SPTBN5: variants seen among roughly 807,000 people sequenced by gnomAD.
SPTBN5 encodes spectrin beta, non-erythrocytic 5, also known as spectrin beta chain, non-erythrocytic 5.
In SPTBN5, 513 loss-of-function variants were observed where a neutral mutation model predicts 477.6. The observed-to-expected ratio is 1.07, with a 90% CI of 1.00 to 1.16. The LOEUF (loss-of-function observed/expected upper bound fraction) is 1.16, where lower values mean the gene tolerates loss of function less well. Among genes scored for constraint, SPTBN5 ranks in the 50% most tolerant of loss-of-function variants. The pLI, the probability that SPTBN5 is intolerant of heterozygous loss-of-function variation, is 0.00. For synonymous variants in SPTBN5, 2,169 were observed against 2,011.7 expected, an observed-to-expected ratio of 1.08 and a Z score of -2.09; for missense variants, 5,062 against 4,731.8, an observed-to-expected ratio of 1.07 and a Z score of -2.05.
chr15:41,866,224 T>G lies in SPTBN5; in HGVS notation c.6636A>C (p.Gly2212=), dbSNP rs1168275909. 5.0e-6 allele frequency: 8 copies of G among 1,592,750 alleles called. No individual in the cohort carries two copies. The highest frequency in any genetic ancestry group is 1.8e-5 in the Admixed American group (1 of 55,806). ...EEVMTSVAKK[G]EALLAQSHPR... is the part of the protein sequence containing the mutation. ...GGTGACTCTGTGCCAGGAGAGCCTC[T>G]CCCTTCTGGAGGGAGAGAGGGGACA... Residue 2212 remains glycine, a synonymous_variant, in exon 38 of 68, where the codon GGA becomes GGC. Coordinates refer to ENST00000320955, the MANE Select transcript of SPTBN5 (RefSeq NM_016642.4).
chr15:41,887,833 G>A (rs2067202399), intron 5 of SPTBN5, 95 bp downstream of exon 5: 2 of 1,291,830 alleles, frequency 1.5e-6, no homozygotes, highest in South Asian at 1.4e-5. Flanking sequence ...CCTCCTTCAA[G>A]CCTAGGGATG....
At position 41,884,490 on chromosome 15, in the gene SPTBN5, G is replaced by A. The variant is rs1417027477; in HGVS notation, c.1521-1004C>T. Reference sequence around the variant, plus strand: ...CTGCAAATTCTACTTGGCACTACCTGCAAAATCTATCCAGAACCCCACCCC... The same window carrying A: ...CTGCAAATTCTACTTGGCACTACCTACAAAATCTATCCAGAACCCCACCCC... On this transcript the variant is annotated intron_variant, in intron 7 of 67. Coordinates refer to ENST00000320955, the MANE Select transcript of SPTBN5 (RefSeq NM_016642.4). Among the ~76,000 whole-genome samples the A allele has an allele frequency of 6.6e-5, 10 of 152,100 alleles. No homozygotes were observed. In the East Asian group the frequency reaches 1.7e-3, roughly 26 times the overall value.
Position 41,850,037 on chromosome 15 carries a change from A to G in SPTBN5, c.10922-78T>C. ...GCCAGGTCTGGCTGCTCCTTCCTCC[A>G]GCTTCTGGAGGCTCAGCACAGCCTT... is the stretch of plus-strand genomic sequence containing the variant. On this transcript the variant is annotated intron_variant, in intron 66 of 67. Transcript: ENST00000320955. 2.5e-6 allele frequency: 3 copies of G among 1,215,536 alleles called. No individual in the cohort carries two copies. In the South Asian group the frequency reaches 3.9e-5, roughly 16 times the overall value. 75.3% of individuals were successfully genotyped at this position (1,215,536 alleles called of 1,614,324 possible). A position where few individuals can be genotyped will look rare whatever the true frequency, so the allele number is the denominator to read the frequency against.
rs567339370 is a variant in SPTBN5 at position 41,852,069 on chromosome 15, G to A, written c.10584+113C>T. On this transcript the variant is annotated intron_variant, in intron 62 of 67. Transcript: ENST00000320955. ...CTAATGACCTTCAGCTCCTGTGCCC[G>A]GGCTCCCAGCACTGGCTCCAGGGTG... The A allele has an allele frequency of 2.7e-4, 369 of 1,349,950 alleles. 1 individual carries two copies. In the African/African-American group the frequency reaches 4.1e-3, roughly 15 times the overall value. The allele number at this position is 1,349,950 out of a possible 1,614,324, so 83.6% of individuals were successfully genotyped here.
intron 64 of SPTBN5, 58 bp downstream of exon 64, chr15:41,851,225 C>T (rs2065748786): frequency 1.3e-6 from 2 of 1,564,864 alleles, no homozygotes; most frequent in Non-Finnish European, 1.7e-6. Flanking sequence ...GTCCTGGGGC[C>T]CCTCTGCCTT....
At position 41,868,096 on chromosome 15, in the gene SPTBN5, G is replaced by C. The variant is rs1436535591; in HGVS notation, c.6180C>G (p.Arg2060=). Residue 2060 remains arginine (R), a synonymous_variant, in exon 34 of 68, where the codon CGC becomes CGG. Coordinates refer to ENST00000320955, the MANE Select transcript of SPTBN5 (RefSeq NM_016642.4). ...QEQLFLRECG[R]LEEILAAQEV... The stretch of plus-strand genomic sequence containing the variant: ...CCTGGGCCGCGAGGATCTCCTCCAG[G>C]CGGCCGCACTCTCTGAGGAAGAGCT... 1 of 1,603,942 alleles carries C rather than the reference G, an allele frequency of 6.2e-7. No individual in the cohort carries two copies. The highest frequency in any genetic ancestry group is 2.2e-5 in the East Asian group (1 of 44,664).
chr15:41,873,952 G>T lies in SPTBN5; in HGVS notation c.4783C>A (p.Gln1595Lys), dbSNP rs1394762480. The part of the protein sequence containing the change: ...SLAASGHPQA[Q>K]HIVEQCQELE... ...TCCTGGCACTGCTCCACGATGTGTT[G>T]GGCTTGGGGGTGCCCTGAGGCTGCC... Residue 1595 changes from glutamine to lysine, a missense_variant, in exon 25 of 68, where the codon CAA (glutamine) becomes AAA (lysine). Gln to Lys is a moderately conservative substitution (Grantham distance 53). Transcript: ENST00000320955. 6.2e-7 allele frequency: 1 copy of T among 1,609,292 alleles called. No individual in the cohort carries two copies. The highest frequency in any genetic ancestry group is 1.7e-5 in the Admixed American group (1 of 60,028).
At position 41,855,257 on chromosome 15, in the gene SPTBN5, G is replaced by C; in HGVS notation, c.9390C>G (p.Ser3130=). The C allele has an allele frequency of 1.9e-6, 3 of 1,612,438 alleles. No individual in the cohort carries two copies. Among genetic ancestry groups the C allele is most frequent in the Non-Finnish European group, 2.5e-6 (3 of 1,179,672 alleles). The change falls in exon 55 of 68, where the codon TCC becomes TCG. Residue 3130 remains serine, a synonymous_variant. Transcript: ENST00000320955. ...WLTTKAATAE[S]QDYGQDLEGV... is the part of the protein sequence containing the mutation. The stretch of plus-strand genomic sequence containing the variant: ...CCTCCAGGTCCTGCCCGTAGTCCTG[G>C]GACTCGGCGGTGGCCGCCTTGGTGG...
rs1392204705 is a variant in SPTBN5, at chr15:41,855,613, T to C, written c.9154A>G (p.Ser3052Gly). The C allele has an allele frequency of 6.2e-7, 1 of 1,611,328 alleles. No homozygotes were observed. Among genetic ancestry groups the C allele is most frequent in the African/African-American group, 1.3e-5 (1 of 74,952 alleles). Residue 3052 changes from serine (S) to glycine (G), a missense_variant, in exon 54 of 68, where the codon AGC becomes GGC. Transcript: ENST00000320955. ...EATKRDLEAF[S>G]PRIERLQQTA... ...TGCTGCAGCCGCTCGATGCGTGGGC[T>C]GAACGCTTCCAGGTCTCTCTTGGTG...
At position 41,868,573 on chromosome 15, in the gene SPTBN5, C is replaced by T. The variant is rs369721582; in HGVS notation, c.5882G>A (p.Arg1961His). Residue 1961 changes from arginine to histidine, a missense_variant, in exon 33 of 68, where the codon CGC (arginine) becomes CAC (histidine). Arg to His is a conservative substitution (Grantham distance 29). Transcript: ENST00000320955. The stretch of plus-strand genomic sequence containing the variant: ...CTCCACCTGCAGGTCCTGGCGCACG[C>T]GGGCTGCCCAGGAGGCATAGTCACG... ...AVRDYASWAA[R>H]VRQDLQVEES... The T allele has an allele frequency of 3.1e-5, 49 of 1,601,138 alleles. No individual in the cohort carries two copies. Among genetic ancestry groups the T allele is most frequent in the Middle Eastern group, 1.6e-4 (1 of 6,080 alleles).
At chr15:41,887,815 C>T in intron 5 of SPTBN5, 113 bp downstream of exon 5, 1 of 1,113,798 alleles carries the variant, frequency 9.0e-7, no homozygotes, top group Non-Finnish European at 1.3e-6. Flanking sequence ...ACATCTGTGT[C>T]CACTTTCCCT....
intron 47 of SPTBN5, 33 bp from the exon 48 acceptor site, chr15:41,859,013 C>T: frequency 6.8e-7 from 1 of 1,475,978 alleles, no homozygotes; most frequent in South Asian, 1.4e-5. Flanking sequence ...GGCCTGGAGC[C>T]ACCCCCGGGG....
At chr15:41,852,774 G>A (rs375882514) in intron 60 of SPTBN5, 39 bp from the exon 61 acceptor site, 37 of 1,611,586 alleles carry the variant, frequency 2.3e-5, no homozygotes, top group Middle Eastern at 3.3e-4. Context: ...CAGCTTGGGG[G>A]GGGGGGCCCA....
Position 41,854,924 on chromosome 15 carries a change from T to C in SPTBN5, c.9476A>G (p.Gln3159Arg). The C allele has an allele frequency of 6.3e-7, 1 of 1,582,788 alleles. No individual in the cohort carries two copies. Among genetic ancestry groups the C allele is most frequent in the Non-Finnish European group, 8.6e-7 (1 of 1,166,438 alleles). The change falls in exon 56 of 68, where the codon CAG (glutamine) becomes CGG (arginine). Residue 3159 changes from glutamine (Q) to arginine (R), a missense_variant. By Grantham distance (43) the Gln-to-Arg change is conservative. Coordinates refer to ENST00000320955, the MANE Select transcript of SPTBN5 (RefSeq NM_016642.4). ...CTTCCTCAGGGCATACACCTTGGCC[T>C]GGCCCAGGCTCTGCACTTCCTTTCT... Reference protein sequence around the residue: ...AFRKEVQSLGQAKVYALRKLA... With the variant: ...AFRKEVQSLGRAKVYALRKLA...
In SPTBN5 at chr15:41,853,688, C is replaced by T. The variant is rs773486419; in HGVS notation, c.9874G>A (p.Val3292Met). The change falls in exon 58 of 68, where the codon GTG becomes ATG. Residue 3292 changes from valine to methionine, a missense_variant. Physicochemically the swap from Val to Met is conservative, Grantham distance 21. Transcript: ENST00000320955. ...HPAAPGGLAK[V>M]QEAWATLQAK... ...TGCAGGGTGGCCCAGGCCTCCTGCA[C>T]CTTGGCCAGGCCCCCCGGAGCTGCA... 122 of 1,602,556 alleles carry T rather than the reference C, an allele frequency of 7.6e-5. No individual in the cohort carries two copies. The highest frequency in any genetic ancestry group is 9.7e-5 in the Non-Finnish European group (114 of 1,176,622).
At chr15:41,891,028 C>T (rs2067294226) in intron 3 of SPTBN5, among the ~76,000 whole-genome samples, 1 of 152,238 alleles carries the variant, frequency 6.6e-6, no homozygotes, top group Non-Finnish European at 1.5e-5. Flanking sequence ...CAGGTATCTG[C>T]ATGGCTATTC....
At chr15:41,874,575 G>A in intron 23 of SPTBN5, 97 bp from the exon 24 acceptor site, 1 of 1,105,614 alleles carries the variant, frequency 9.0e-7, no homozygotes, top group African/African-American at 1.6e-5. Context: ...TGAAGAACAA[G>A]ACCAGGGAAT....
At position 41,870,288 on chromosome 15, in the gene SPTBN5, TCTCAGCTGCGC is replaced by T. The variant is rs748511085; in HGVS notation, c.5617_5627del (p.Ala1873LysfsTer78). The T allele has an allele frequency of 2.1e-5, 32 of 1,555,328 alleles. No individual in the cohort carries two copies. Among genetic ancestry groups the T allele is most frequent in the Non-Finnish European group, 5.2e-6 (6 of 1,149,762 alleles). On this transcript the variant is annotated frameshift_variant, in exon 31 of 68. Coordinates refer to ENST00000320955, the MANE Select transcript of SPTBN5 (RefSeq NM_016642.4). LOFTEE classifies it high-confidence loss of function. ...GTTCTCGCTCCAGCCCCTGGTGGCT[TCTCAGCTGCGC>T]CTCCAGCCCACACAGGTCCCGTGCC...
chr15:41,854,421 A>T (rs1378670561), intron 56 of SPTBN5, among the ~76,000 whole-genome samples: 1 of 151,470 alleles, frequency 6.6e-6, no homozygotes, highest in Admixed American at 6.6e-5. Context: ...GGGTGGGGAG[A>T]GGAGAGGGCC....
Sources: allele counts gnomAD v4.1 joint callset (sites outside exome capture counted in the v4.1 genomes callset), GRCh38; gene constraint gnomAD v4.1.1; transcripts MANE v1.5; gene names NCBI Gene and HGNC (gene_info 2026-07-23, HGNC 2026-07-21).